TGM4: variants seen among roughly 807,000 people sequenced by gnomAD.
The protein encoded by TGM4 is protein-glutamine gamma-glutamyltransferase 4.
TGM4 carries 61 observed loss-of-function variants against 76.3 expected under a neutral mutation model. The observed-to-expected ratio is 0.80, with a 90% CI of 0.65 to 0.99. The LOEUF (loss-of-function observed/expected upper bound fraction) is 0.99. Among genes scored for constraint, TGM4 ranks in the 50% least tolerant of loss-of-function variants. The pLI, the probability that TGM4 is intolerant of heterozygous loss-of-function variation, is 0.00. For missense variants in TGM4, 794 were observed against 843.2 expected (o/e 0.94, Z 0.72); for synonymous variants, 337 against 329.8 (o/e 1.02, Z -0.24).
rs560390991 is a variant in TGM4 at position 44,911,188 on chromosome 3, C to A, written c.1776+61C>A. 10 of 1,609,562 alleles carry A rather than the reference C, an allele frequency of 6.2e-6. No individual in the cohort carries two copies. In the South Asian group the frequency reaches 1.1e-4, roughly 18 times the overall value. On this transcript the variant is annotated intron_variant, in intron 12 of 13. Coordinates refer to ENST00000296125, the MANE Select transcript of TGM4 (RefSeq NM_003241.4). ...CCTGGAAGTTGGCCATGGAGTGTGA[C>A]GGGGCCCCTAAGAACCCTGAGGGTC...
At chr3:44,894,485 A>T (rs904304290) in intron 5 of TGM4, among the ~76,000 whole-genome samples, 2 of 117,468 alleles carry the variant, frequency 1.7e-5, no homozygotes, top group Non-Finnish European at 3.5e-5. Flanking sequence ...GCACTGTTAC[A>T]ATTAGAATGT....
At chr3:44,878,438 A>G (rs988820461) in intron 1 of TGM4, among the ~76,000 whole-genome samples, 3 of 143,202 alleles carry the variant, frequency 2.1e-5, no homozygotes, top group African/African-American at 7.7e-5. Flanking sequence ...ATGGGCATTT[A>G]TTACTTTTGT....
intron 10 of TGM4, among the ~76,000 whole-genome samples, chr3:44,908,681 T>C (rs2125760041): frequency 6.6e-6 from 1 of 152,356 alleles, no homozygotes; most frequent in South Asian, 2.1e-4. Flanking sequence ...TTAAAAATAA[T>C]TTTAATCTCT....
In TGM4 at chr3:44,883,704, G is replaced by A. The variant is rs116139411; in HGVS notation, c.20-1621G>A. Reference sequence around the variant, plus strand: ...CAGTGTGAAGGGAAGGCCACTTGCTGGGACTTGCCTTCCTGGAGAACACTT... The same window carrying A: ...CAGTGTGAAGGGAAGGCCACTTGCTAGGACTTGCCTTCCTGGAGAACACTT... On this transcript the variant is annotated intron_variant, in intron 1 of 13. Coordinates refer to ENST00000296125, the MANE Select transcript of TGM4 (RefSeq NM_003241.4). Among the ~76,000 whole-genome samples, 693 of 152,294 alleles carry A rather than the reference G, an allele frequency of 4.6e-3. 2 individuals are homozygous for A. Among genetic ancestry groups the A allele is most frequent in the Non-Finnish European group, 7.8e-3 (528 of 68,024 alleles).
intron 1 of TGM4, among the ~76,000 whole-genome samples, chr3:44,879,796 T>C (rs1377271625): frequency 1.3e-5 from 2 of 151,832 alleles, no homozygotes; most frequent in East Asian, 3.8e-4. Flanking sequence ...TTTAATATTT[T>C]ATTTTATTTA....
intron 3 of TGM4, 69 bp downstream of exon 3, chr3:44,887,864 C>G (rs777678393): frequency 7.3e-7 from 1 of 1,377,628 alleles, no homozygotes; most frequent in East Asian, 2.3e-5. Context: ...GTGAGCAGCC[C>G]CTATCCCCTT....
In TGM4 at chr3:44,903,975, G is replaced by A. The variant is rs1559618959; in HGVS notation, c.1063G>A (p.Glu355Lys). 1 of 1,613,970 alleles carries A rather than the reference G, an allele frequency of 6.2e-7. No individual in the cohort carries two copies. The highest frequency in any genetic ancestry group is 8.5e-7 in the Non-Finnish European group (1 of 1,180,020). ...GWQAVDATPQ[E>K]RSQGVFCCGP... ...GCAGGCTGTGGACGCAACGCCGCAG[G>A]AGCGAAGCCAGGGTGAGTGGGTGGC... The change falls in exon 9 of 14, where the codon GAG becomes AAG. Residue 355 changes from glutamate (E) to lysine (K), a missense_variant. By Grantham distance (56) the Glu-to-Lys change is moderately conservative (BLOSUM62 1). Transcript: ENST00000296125.
chr3:44,896,837 C>A lies in TGM4; in HGVS notation c.657+21C>A, dbSNP rs766752131. The A allele has an allele frequency of 2.4e-5, 38 of 1,603,732 alleles. No individual in the cohort carries two copies. In the Admixed American group the frequency reaches 5.8e-4, roughly 25 times the overall value. ...CTATGGTAGGTATGGAAAGCCTGGG[C>A]TGATGCTGTCTTGTACTTGCCAATT... On this transcript the variant is annotated intron_variant, in intron 6 of 13. Transcript: ENST00000296125.
At chr3:44,907,500 A>G (rs564954355) in intron 10 of TGM4, among the ~76,000 whole-genome samples, 1 of 152,106 alleles carries the variant, frequency 6.6e-6, no homozygotes, top group African/African-American at 2.4e-5. Flanking sequence ...CAAAAAGACA[A>G]ATCCTAATTG....
rs756837041 is a variant in TGM4 at position 44,893,323 on chromosome 3, G to T, written c.431-254G>T. 7.9e-5 allele frequency among the ~76,000 whole-genome samples: 12 copies of T among 152,098 alleles called. 1 individual carries two copies. Among genetic ancestry groups the T allele is most frequent in the Admixed American group, 3.9e-4 (6 of 15,264 alleles). ...CTCATGGACTCTCTCTTTCTTTTCA[G>T]TGGTTTATGATTCATCCTTTTCTTA... On this transcript the variant is annotated intron_variant, in intron 4 of 13. Transcript: ENST00000296125.
chr3:44,910,898 G>A (rs1699994580), intron 11 of TGM4, 60 bp from the exon 12 acceptor site: 1 of 1,558,406 alleles, frequency 6.4e-7, no homozygotes, highest in South Asian at 1.2e-5. Context: ...TTGATGAGGA[G>A]AACTCATACT....
chr3:44,886,463 T>C (rs1699609726), intron 2 of TGM4, among the ~76,000 whole-genome samples: 1 of 152,220 alleles, frequency 6.6e-6, no homozygotes. Context: ...TCCAACGTGC[T>C]GGTGGAGATC....
chr3:44,880,806 G>T (rs1234174178), intron 1 of TGM4, among the ~76,000 whole-genome samples: 1 of 152,116 alleles, frequency 6.6e-6, no homozygotes, highest in African/African-American at 2.4e-5. Context: ...CATCTGGAAT[G>T]GTTGTTTGCA....
At chr3:44,911,673 T>A (rs1700007855) in intron 13 of TGM4, among the ~76,000 whole-genome samples, 1 of 152,236 alleles carries the variant, frequency 6.6e-6, no homozygotes, top group East Asian at 1.9e-4. Flanking sequence ...ATTTCTTACA[T>A]TAATTGACTC....
At chr3:44,879,023 TC>T (rs1179564210) in intron 1 of TGM4, among the ~76,000 whole-genome samples, 1 of 152,146 alleles carries the variant, frequency 6.6e-6, no homozygotes. Context: ...GGTATTTGTT[TC>T]CAGTCTATTT....
rs1232751051 is a variant in TGM4 at position 44,901,664 on chromosome 3, C to T, written c.798C>T (p.Gly266=). The change falls in exon 7 of 14, where the codon GGC becomes GGT. Residue 266 remains glycine (G), a synonymous_variant. Coordinates refer to ENST00000296125, the MANE Select transcript of TGM4 (RefSeq NM_003241.4). The part of the protein sequence containing the change: ...YYNTKQAVCF[G]QCWVFAGILT... ...ACACGAAGCAGGCTGTGTGCTTTGG[C>T]CAGTGCTGGGTGTTTGCTGGGATCC... is the stretch of plus-strand genomic sequence containing the variant. The T allele has an allele frequency of 6.2e-7, 1 of 1,614,164 alleles. No homozygotes were observed.
chr3:44,912,342 T>G (rs555460306), intron 13 of TGM4, among the ~76,000 whole-genome samples: 16 of 152,180 alleles, frequency 1.1e-4, no homozygotes, highest in African/African-American at 3.9e-4. Context: ...GGGTGTGGAG[T>G]GATGTGGAGC....
rs1419789104 is a variant in TGM4, at chr3:44,914,673, A to ACTT, written c.*949_*951dup. 1.3e-5 allele frequency: 2 copies of ACTT among 152,180 alleles called. No individual in the cohort carries two copies. Among genetic ancestry groups the ACTT allele is most frequent in the Non-Finnish European group, 2.9e-5 (2 of 68,040 alleles). The allele number at this position is 152,180 out of a possible 1,614,324, so 9.4% of individuals were successfully genotyped here. On this transcript the variant is annotated 3_prime_UTR_variant, in exon 14 of 14. Transcript: ENST00000296125. ...AAATGTGCTGGCGGTTTATGCAGTC[A>ACTT]CTTGGGGAGCCATGGAATCCTTTGA...
In TGM4 at chr3:44,893,633, A is replaced by G. The variant is rs1575718440; in HGVS notation, c.487A>G (p.Thr163Ala). The G allele has an allele frequency of 1.2e-6, 2 of 1,613,898 alleles. No homozygotes were observed. The highest frequency in any genetic ancestry group is 1.7e-6 in the Non-Finnish European group (2 of 1,179,876). The change falls in exon 5 of 14, where the codon ACG becomes GCG. Residue 163 changes from threonine (T) to alanine (A), a missense_variant. Coordinates refer to ENST00000296125, the MANE Select transcript of TGM4 (RefSeq NM_003241.4). ...GCGCAAAGAGTACATCCTCAATGAC[A>G]CGGGCTGCCATTACGTGGGGGCTGC... ...DERKEYILND[T>A]GCHYVGAARS...
Sources: gnomAD v4.1 joint callset for allele counts (sites outside exome capture counted in the v4.1 genomes callset) on GRCh38, gnomAD v4.1.1 for gene constraint, MANE v1.5 for transcripts, NCBI Gene and HGNC (gene_info 2026-07-23, HGNC 2026-07-21) for gene names.